The following HERC5 variants were observed in gnomAD, a reference collection of about 807,000 sequenced individuals.
The protein encoded by HERC5 is HECT and RLD domain containing E3 ubiquitin protein ligase 5, also known as E3 ISG15--protein ligase HERC5.
A neutral mutation model predicts 119.6 loss-of-function variants in HERC5; 99 were observed. That is an observed-to-expected ratio of 0.83 (90% CI 0.70 to 0.98). HERC5 has a LOEUF of 0.98. HERC5 is among the 50% of genes least tolerant of loss of function. The probability of loss-of-function intolerance (pLI) is 0.00; values close to 1 mark genes in which losing one functional copy is unlikely to be tolerated. For synonymous variants in HERC5, 478 were observed against 445.9 expected (o/e 1.07, Z -0.91); for missense variants, 1,267 against 1,241.3 (o/e 1.02, Z -0.31).
At chr4:88,468,702 AAAC>A (rs1740761803) in intron 8 of HERC5, among the ~76,000 whole-genome samples, 1 of 152,230 alleles carries the variant, frequency 6.6e-6, no homozygotes, top group Admixed American at 6.5e-5. Flanking sequence ...GTATCCTTGC[AAAC>A]AACAGAGTGA....
intron 22 of HERC5, 29 bp downstream of exon 22, chr4:88,504,626 T>A: frequency 7.6e-7 from 1 of 1,322,252 alleles, no homozygotes; most frequent in Non-Finnish European, 1.0e-6. Flanking sequence ...AATAGATCTG[T>A]AATCGTATGT....
intron 7 of HERC5, 33 bp downstream of exon 7, chr4:88,467,237 G>C (rs1740703788): frequency 6.3e-7 from 1 of 1,591,698 alleles, no homozygotes; most frequent in Non-Finnish European, 8.6e-7. Context: ...GTTTGGCATA[G>C]TATCTTTTTA....
At chr4:88,480,460 T>A (rs1741243514) in intron 13 of HERC5, among the ~76,000 whole-genome samples, 1 of 151,780 alleles carries the variant, frequency 6.6e-6, no homozygotes, top group African/African-American at 2.4e-5. Flanking sequence ...TTTTTTTGTC[T>A]TGTTGGGAGT....
rs539260852 is a variant in HERC5, at chr4:88,482,490, A to G, written c.1737+2983A>G. Among the ~76,000 whole-genome samples the G allele has an allele frequency of 7.2e-5, 11 of 152,212 alleles. No individual in the cohort carries two copies. In the South Asian group the frequency reaches 2.1e-3, roughly 29 times the overall value. On this transcript the variant is annotated intron_variant, in intron 13 of 22. Coordinates refer to ENST00000264350, the MANE Select transcript of HERC5 (RefSeq NM_016323.4). ...CCATCTCCCACCACAGACCCTCCGT[A>G]GCCAACCCTGAGACTGGAGGATCTC...
chr4:88,469,708 C>T (rs1034932194), intron 9 of HERC5, among the ~76,000 whole-genome samples: 2 of 152,214 alleles, frequency 1.3e-5, no homozygotes, highest in Admixed American at 6.5e-5. Flanking sequence ...AAGTGCTTTA[C>T]TCAGTTTACC....
rs1452805722 is a variant in HERC5 at position 88,482,474 on chromosome 4, A to G, written c.1737+2967A>G. On this transcript the variant is annotated intron_variant, in intron 13 of 22. Coordinates refer to ENST00000264350, the MANE Select transcript of HERC5 (RefSeq NM_016323.4). ...ATGTCTGAATTCCATCCCATCTCCC[A>G]CCACAGACCCTCCGTAGCCAACCCT... Among the ~76,000 whole-genome samples the G allele has an allele frequency of 2.6e-5, 4 of 152,026 alleles. No homozygotes were observed. In the South Asian group the frequency reaches 8.3e-4, roughly 32 times the overall value.
chr4:88,467,077 T>C lies in HERC5; in HGVS notation c.930T>C (p.Tyr310=). 1 of 1,614,194 alleles carries C rather than the reference T, an allele frequency of 6.2e-7. No individual in the cohort carries two copies. The highest frequency in any genetic ancestry group is 8.5e-7 in the Non-Finnish European group (1 of 1,180,008). The change falls in exon 7 of 23, where the codon TAT becomes TAC. Residue 310 remains tyrosine, a synonymous_variant. Transcript: ENST00000264350. ...IACGRWHTLA[Y]VSDLGKVFSF... ...TTAATAGGTGGCACACACTTGCCTA[T>C]GTTTCTGATTTGGGAAAGGTCTTTT...
In HERC5 at chr4:88,459,449, A is replaced by C. The variant is rs533028212; in HGVS notation, c.368A>C (p.Asn123Thr). Residue 123 changes from asparagine to threonine, a missense_variant, in exon 2 of 23, where the codon AAC becomes ACC. By Grantham distance (65) the Asn-to-Thr change is moderately conservative (BLOSUM62 0). Around this residue, in one of 3 missense-constraint regions of HERC5, gnomAD observed 777 missense variants for 758.0 expected, o/e 1.03. Coordinates refer to ENST00000264350, the MANE Select transcript of HERC5 (RefSeq NM_016323.4). ...GATGGAAAACCATTTGAGTATGACA[A>C]CTATAGCATGAAACATCTAAGGTAG... ...SSDGKPFEYD[N>T]YSMKHLRFES... 6.4e-6 allele frequency: 10 copies of C among 1,565,186 alleles called. No homozygotes were observed. The Middle Eastern group carries it at 5.1e-4, about 80-fold the overall frequency.
intron 2 of HERC5, 52 bp downstream of exon 2, chr4:88,459,522 A>G (rs1740336576): frequency 8.8e-7 from 1 of 1,139,232 alleles, no homozygotes. Flanking sequence ...AAAGACAATA[A>G]TAATTTCTGT....
intron 1 of HERC5, 35 bp downstream of exon 1, chr4:88,457,569 TGTGAGGG>T (rs755344537): frequency 8.1e-7 from 1 of 1,241,368 alleles, no homozygotes; most frequent in Non-Finnish European, 1.0e-6. Flanking sequence ...CTGTGAGGGC[TGTGAGGG>T]GTGAGGGCTG....
At position 88,505,928 on chromosome 4, in the gene HERC5, T is replaced by C. The variant is rs1481699012; in HGVS notation, c.*50T>C. ...ATTTTGTTGTTGTTATCGTTGTTGT[T>C]GTTGTTGTTGTTGTTGTTTCTCTAC... On this transcript the variant is annotated 3_prime_UTR_variant, in exon 23 of 23. Coordinates refer to ENST00000264350, the MANE Select transcript of HERC5 (RefSeq NM_016323.4). The C allele has an allele frequency of 1.5e-6, 2 of 1,345,782 alleles. No individual in the cohort carries two copies. Among genetic ancestry groups the C allele is most frequent in the African/African-American group, 1.5e-5 (1 of 67,756 alleles). 83.4% of individuals were successfully genotyped at this position (1,345,782 alleles called of 1,614,324 possible). A position where few individuals can be genotyped will look rare whatever the true frequency, so the allele number is the denominator to read the frequency against.
chr4:88,463,827 C>G (rs1740539704), intron 5 of HERC5, 28 bp from the exon 6 acceptor site: 1 of 1,608,782 alleles, frequency 6.2e-7, no homozygotes, highest in Admixed American at 1.7e-5. Flanking sequence ...ATTTTTCTAG[C>G]ATCTGATATG....
intron 13 of HERC5, among the ~76,000 whole-genome samples, chr4:88,485,516 A>C (rs189046137): frequency 6.6e-6 from 1 of 152,338 alleles, no homozygotes; most frequent in East Asian, 1.9e-4. Context: ...TATAGCCAAG[A>C]TGAGTTTTTA....
At chr4:88,495,621 C>G (rs1453122385) in intron 18 of HERC5, among the ~76,000 whole-genome samples, 1 of 151,948 alleles carries the variant, frequency 6.6e-6, no homozygotes, top group Non-Finnish European at 1.5e-5. Context: ...CCCTCTTTTA[C>G]AGATTCAGAA....
At chr4:88,501,091 T>G in intron 20 of HERC5, 106 bp downstream of exon 20, 1 of 709,792 alleles carries the variant, frequency 1.4e-6, no homozygotes. Flanking sequence ...CATTAATCAT[T>G]TTTCACTAAG....
At chr4:88,476,352 G>A (rs1372930261) in intron 12 of HERC5, among the ~76,000 whole-genome samples, 2 of 152,156 alleles carry the variant, frequency 1.3e-5, no homozygotes. Context: ...TTGCTGGAGT[G>A]CAGTGGTACA....
In HERC5 at chr4:88,499,985, A is replaced by C; in HGVS notation, c.2504A>C (p.His835Pro). The C allele has an allele frequency of 6.3e-7, 1 of 1,592,642 alleles. No individual in the cohort carries two copies. Among genetic ancestry groups the C allele is most frequent in the Non-Finnish European group, 8.6e-7 (1 of 1,160,740 alleles). The change falls in exon 19 of 23, where the codon CAT becomes CCT. Residue 835 changes from histidine (H) to proline (P), a missense_variant. This residue lies in a region of HERC5 where 473 missense variants were observed against 445.7 expected (regional missense o/e 1.06). Coordinates refer to ENST00000264350, the MANE Select transcript of HERC5 (RefSeq NM_016323.4). ...AACTTTGAGGAAGTATTTTACATCC[A>C]TTTTAATGTGAGTAACAATAAAAGC... ...GDNFEEVFYIHFNVHWDRNDT... is the reference protein window; with the variant it reads ...GDNFEEVFYIPFNVHWDRNDT...
chr4:88,504,680 G>A, intron 22 of HERC5, 83 bp downstream of exon 22: 1 of 718,706 alleles, frequency 1.4e-6, no homozygotes, highest in Non-Finnish European at 2.1e-6. Context: ...AGTACCATTT[G>A]CAACAGATCA....
At position 88,504,322 on chromosome 4, in the gene HERC5, G is replaced by T. The variant is rs569038185; in HGVS notation, c.2673G>T (p.Met891Ile). The change falls in exon 21 of 23, where the codon ATG (methionine) becomes ATT (isoleucine). Residue 891 changes from methionine to isoleucine, a missense_variant. Around this residue, in one of 3 missense-constraint regions of HERC5, gnomAD observed 473 missense variants for 445.7 expected, o/e 1.06. Coordinates refer to ENST00000264350, the MANE Select transcript of HERC5 (RefSeq NM_016323.4). ...YEEFRRGFYK[M>I]CDEDIIKLFH... ...AATTTCGGAGAGGATTTTATAAAAT[G>T]TGCGACGAAGACATTATCAAATTAT... 4.0e-5 allele frequency: 64 copies of T among 1,613,224 alleles called. No individual in the cohort carries two copies. The Admixed American group carries it at 4.5e-4, about 11-fold the overall frequency.
Sources: allele counts gnomAD v4.1 joint callset (sites outside exome capture counted in the v4.1 genomes callset), GRCh38; gene constraint gnomAD v4.1.1; regional missense constraint gnomAD v4.1.1; transcripts MANE v1.5; gene names NCBI Gene and HGNC (gene_info 2026-07-23, HGNC 2026-07-21).